ALKBH3: variants seen among roughly 807,000 people sequenced by gnomAD.
ALKBH3 encodes alpha-ketoglutarate-dependent dioxygenase alkB homolog 3.
A neutral mutation model predicts 43.9 loss-of-function variants in ALKBH3; 51 were observed. That is an observed-to-expected ratio of 1.16 (90% CI 0.93 to 1.47). The LOEUF (loss-of-function observed/expected upper bound fraction) is 1.47. Ranked by LOEUF, ALKBH3 falls within the 40% of genes most tolerant of loss-of-function variation. ALKBH3 has a pLI of 0.00. For missense variants in ALKBH3, 361 were observed against 351.9 expected (o/e 1.03, Z -0.21); for synonymous variants, 102 against 115.2 (o/e 0.89, Z 0.73).
rs753128786 is a variant in ALKBH3 at position 43,889,791 on chromosome 11, A to C, written c.333A>C (p.Gln111His). 1 of 1,614,032 alleles carries C rather than the reference A, an allele frequency of 6.2e-7. No individual in the cohort carries two copies. Among genetic ancestry groups the C allele is most frequent in the Non-Finnish European group, 8.5e-7 (1 of 1,179,926 alleles). ...ACTGGATATTGGAACAGCTTTGTCAAGATGTTCCCTGGAAACAGAGGACTG... is the reference window on the plus strand; with the variant it reads ...ACTGGATATTGGAACAGCTTTGTCACGATGTTCCCTGGAAACAGAGGACTG... The part of the protein sequence containing the change: ...EADWILEQLC[Q>H]DVPWKQRTGI... Residue 111 changes from glutamine to histidine, a missense_variant, in exon 6 of 10, where the codon CAA (glutamine) becomes CAC (histidine). Physicochemically the swap from Gln to His is conservative, Grantham distance 24. Transcript: ENST00000302708.
At position 43,883,983 on chromosome 11, in the gene ALKBH3, G is replaced by A. The variant is rs1048461304; in HGVS notation, c.184G>A (p.Val62Ile). The part of the protein sequence containing the change: ...REFVFKEPQQ[V>I]VRRAPEPRVI... ...GTAAGATCCGCCTATTTCCTTGCAG[G>A]TAGTACGTAGAGCTCCTGAGCCACG... is the stretch of plus-strand genomic sequence containing the variant. Residue 62 changes from valine to isoleucine, a missense_variant and splice_region_variant, in exon 4 of 10, where the codon GTA (valine) becomes ATA (isoleucine). Transcript: ENST00000302708. 2 of 1,613,630 alleles carry A rather than the reference G, an allele frequency of 1.2e-6. No homozygotes were observed. The highest frequency in any genetic ancestry group is 1.7e-6 in the Non-Finnish European group (2 of 1,179,830).
intron 8 of ALKBH3, among the ~76,000 whole-genome samples, chr11:43,915,174 C>T (rs1345662141): frequency 6.6e-6 from 1 of 150,790 alleles, no homozygotes; most frequent in Non-Finnish European, 1.5e-5. Context: ...CACCACTGCA[C>T]TCCAGCCTGG....
At chr11:43,899,380 G>C in intron 7 of ALKBH3, 2 of 701,994 alleles carry the variant, frequency 2.8e-6, no homozygotes, top group South Asian at 1.4e-5. Flanking sequence ...TGGATGATGT[G>C]CTCGCGTCCC....
intron 8 of ALKBH3, among the ~76,000 whole-genome samples, chr11:43,911,888 T>C (rs4755216): frequency 0.86 from 130,847 of 152,170 alleles, 56,624 homozygotes; most frequent in East Asian, 0.98. Context: ...TTTGGGAGGC[T>C]GAGGTGGGCG....
chr11:43,890,404 C>A (rs1036054440), intron 6 of ALKBH3, among the ~76,000 whole-genome samples: 3 of 152,114 alleles, frequency 2.0e-5, no homozygotes, highest in Admixed American at 1.3e-4. Context: ...ATACCACAGG[C>A]GGTCACTTGG....
At chr11:43,883,217 G>A (rs1951723985) in intron 3 of ALKBH3, 29 bp downstream of exon 3, 1 of 1,564,110 alleles carries the variant, frequency 6.4e-7, no homozygotes, top group Non-Finnish European at 8.7e-7. Context: ...CTTCAATAGT[G>A]ATAAAAATTT....
intron 8 of ALKBH3, among the ~76,000 whole-genome samples, chr11:43,906,040 CTG>C (rs1271041384): frequency 3.3e-5 from 5 of 152,182 alleles, no homozygotes; most frequent in Non-Finnish European, 7.3e-5. Flanking sequence ...TCTGGATAAA[CTG>C]TATCCTTCAT....
intron 8 of ALKBH3, among the ~76,000 whole-genome samples, chr11:43,908,880 A>T (rs527288849): frequency 6.6e-6 from 1 of 152,338 alleles, no homozygotes; most frequent in East Asian, 1.9e-4. Context: ...GCCGCAGCCA[A>T]CAATTGCCCA....
Position 43,883,077 on chromosome 11 carries a change from T to G in ALKBH3, c.80-8T>G. The G allele has an allele frequency of 6.2e-7, 1 of 1,612,718 alleles. No homozygotes were observed. Among genetic ancestry groups the G allele is most frequent in the Non-Finnish European group, 8.5e-7 (1 of 1,178,928 alleles). On this transcript the variant is annotated splice_polypyrimidine_tract_variant and splice_region_variant and intron_variant, in intron 2 of 9. Coordinates refer to ENST00000302708, the MANE Select transcript of ALKBH3 (RefSeq NM_139178.4). ...CCTGGTTTGAGGCTGTCCCCTCTCT[T>G]GCTTCAGCTACCACTGCTAAGAGCC...
chr11:43,904,170 A>G (rs1413776732), intron 8 of ALKBH3, among the ~76,000 whole-genome samples: 11 of 152,218 alleles, frequency 7.2e-5, no homozygotes, highest in Admixed American at 7.2e-4. Flanking sequence ...CAGAAGTGGT[A>G]AAGTCCACAT....
At position 43,914,653 on chromosome 11, in the gene ALKBH3, C is replaced by T. The variant is rs116577748; in HGVS notation, c.670-4385C>T. Among the ~76,000 whole-genome samples, 287 of 152,104 alleles carry T rather than the reference C, an allele frequency of 1.9e-3. 1 individual carries two copies. The highest frequency in any genetic ancestry group is 6.6e-3 in the African/African-American group (275 of 41,484). On this transcript the variant is annotated intron_variant, in intron 8 of 9. Transcript: ENST00000302708. Reference sequence around the variant, plus strand: ...TTTCTAAGCATAAAAATCATGAAGACGAGCCAAAGAAAGGTCAGTAGAGTT... The same window carrying T: ...TTTCTAAGCATAAAAATCATGAAGATGAGCCAAAGAAAGGTCAGTAGAGTT...
chr11:43,883,300 C>A, intron 3 of ALKBH3, 112 bp downstream of exon 3: 2 of 711,118 alleles, frequency 2.8e-6, no homozygotes, highest in Non-Finnish European at 2.3e-6. Context: ...AATAGCAGAG[C>A]AGAAGAACTA....
chr11:43,883,154 C>G lies in ALKBH3; in HGVS notation c.149C>G (p.Ser50Cys). 1 of 1,614,010 alleles carries G rather than the reference C, an allele frequency of 6.2e-7. No individual in the cohort carries two copies. The highest frequency in any genetic ancestry group is 8.5e-7 in the Non-Finnish European group (1 of 1,179,954). The change falls in exon 3 of 10, where the codon TCT becomes TGT. Residue 50 changes from serine to cysteine, a missense_variant. By Grantham distance (112) the Ser-to-Cys change is moderately radical. Coordinates refer to ENST00000302708, the MANE Select transcript of ALKBH3 (RefSeq NM_139178.4). The part of the protein sequence containing the change: ...QTWKNKEHHL[S>C]DREFVFKEPQ... ...TGGAAGAACAAAGAGCATCATCTCT[C>G]TGACAGAGAGTTTGTGTTCAAAGAA...
intron 8 of ALKBH3, chr11:43,916,700 A>G (rs915013230): frequency 2.0e-5 from 3 of 152,224 alleles, no homozygotes; most frequent in African/African-American, 7.2e-5. Flanking sequence ...TCCATTTATC[A>G]ACTGGAGCCT....
intron 7 of ALKBH3, chr11:43,897,578 T>C (rs1386713276): frequency 1.3e-6 from 1 of 794,548 alleles, no homozygotes; most frequent in Non-Finnish European, 2.3e-6. Flanking sequence ...GCAGTGACAC[T>C]GTGAATGAAT....
chr11:43,917,544 T>C (rs768718505), intron 8 of ALKBH3, among the ~76,000 whole-genome samples: 3 of 152,236 alleles, frequency 2.0e-5, no homozygotes, highest in African/African-American at 4.8e-5. Context: ...TAGCTGACTA[T>C]ACAGCCTAAA....
intron 7 of ALKBH3, among the ~76,000 whole-genome samples, chr11:43,894,538 A>G (rs553181581): frequency 8.5e-5 from 13 of 152,256 alleles, no homozygotes; most frequent in African/African-American, 3.1e-4. Context: ...TTCAGTACCA[A>G]AAATAACCCA....
intron 8 of ALKBH3, among the ~76,000 whole-genome samples, chr11:43,911,595 G>T (rs1318897590): frequency 6.6e-6 from 1 of 152,124 alleles, no homozygotes; most frequent in Admixed American, 6.5e-5. Flanking sequence ...AGTGTATAGT[G>T]CTGACTGTGC....
intron 7 of ALKBH3, among the ~76,000 whole-genome samples, chr11:43,893,505 A>G (rs895548835): frequency 2.6e-5 from 4 of 152,244 alleles, no homozygotes; most frequent in African/African-American, 9.6e-5. Flanking sequence ...AAATGTTGGT[A>G]GTATGTGCTT....
Sources: allele counts gnomAD v4.1 joint callset (sites outside exome capture counted in the v4.1 genomes callset), GRCh38; gene constraint gnomAD v4.1.1; transcripts MANE v1.5; gene names NCBI Gene and HGNC (gene_info 2026-07-23, HGNC 2026-07-21).